Variants in GDAP1 observed in about 807,000 individuals in gnomAD.
GDAP1 encodes ganglioside induced differentiation associated protein 1.
GDAP1 carries 34 observed loss-of-function variants against 40.1 expected under a neutral mutation model. The observed-to-expected ratio is 0.85, with a 90% CI of 0.64 to 1.13. The LOEUF is 1.13. Ranked by LOEUF, GDAP1 falls within the 50% of genes most tolerant of loss-of-function variation. GDAP1 has a pLI of 0.00. For synonymous variants in GDAP1, 170 were observed against 157.4 expected (o/e 1.08, Z -0.60); for missense variants, 374 against 433.7 (o/e 0.86, Z 1.22).
intron 2 of GDAP1, among the ~76,000 whole-genome samples, chr8:74,424,918 AAAATCTTT>A (rs1376471890): frequency 6.6e-6 from 1 of 152,210 alleles, no homozygotes; most frequent in African/African-American, 2.4e-5. Flanking sequence ...ATTAGCACTT[AAAATCTTT>A]AAACTTCCCT....
At position 74,364,610 on chromosome 8, in the gene GDAP1, G is replaced by C. The variant is rs1349596666; in HGVS notation, c.*243G>C. ...AGAGATAAGAGAAGGAAAAATGAGAGAATGAAGTCTGTATAGGGTAGAGCA... is the reference window on the plus strand; with the variant it reads ...AGAGATAAGAGAAGGAAAAATGAGACAATGAAGTCTGTATAGGGTAGAGCA... On this transcript the variant is annotated 3_prime_UTR_variant, in exon 6 of 6. Coordinates refer to ENST00000220822, the MANE Select transcript of GDAP1 (RefSeq NM_018972.4). 3.1e-6 allele frequency: 2 copies of C among 637,420 alleles called. No individual in the cohort carries two copies. The highest frequency in any genetic ancestry group is 5.8e-6 in the Non-Finnish European group (2 of 345,810). 39.5% of individuals were successfully genotyped at this position (637,420 alleles called of 1,614,324 possible).
At chr8:74,390,398 T>C (rs547133756) in intron 2 of GDAP1, among the ~76,000 whole-genome samples, 4 of 152,320 alleles carry the variant, frequency 2.6e-5, no homozygotes, top group African/African-American at 9.6e-5. Context: ...ATGTTGATGC[T>C]ATTCCTTTCT....
chr8:74,482,313 A>G (rs1293129421), intron 2 of GDAP1, among the ~76,000 whole-genome samples: 3 of 152,180 alleles, frequency 2.0e-5, no homozygotes, highest in Non-Finnish European at 4.4e-5. Flanking sequence ...ATATATCAGC[A>G]AATTATCCCT....
At chr8:74,361,608 G>A (rs1809367726) in intron 3 of GDAP1, among the ~76,000 whole-genome samples, 2 of 152,070 alleles carry the variant, frequency 1.3e-5, no homozygotes, top group African/African-American at 4.8e-5. Flanking sequence ...CGTTGGCCAA[G>A]ATGGTCTCGA....
intron 2 of GDAP1, among the ~76,000 whole-genome samples, chr8:74,477,788 G>A (rs560732912): frequency 2.6e-5 from 4 of 152,088 alleles, no homozygotes; most frequent in Non-Finnish European, 5.9e-5. Flanking sequence ...CAGTGGCAAG[G>A]GCAGTGCAGT....
intron 2 of GDAP1, among the ~76,000 whole-genome samples, chr8:74,401,529 G>A (rs547412653): frequency 2.7e-5 from 4 of 149,724 alleles, no homozygotes; most frequent in East Asian, 1.9e-4. Context: ...TAGTTTGATC[G>A]TCTGAAGCCT....
chr8:74,464,773 A>G (rs1183466295), intron 2 of GDAP1, among the ~76,000 whole-genome samples: 2 of 152,228 alleles, frequency 1.3e-5, no homozygotes, highest in African/African-American at 4.8e-5. Flanking sequence ...CAGTCATGCC[A>G]TATTTAGGGA....
At chr8:74,417,671 T>A (rs189836348) in intron 2 of GDAP1, among the ~76,000 whole-genome samples, 1 of 143,320 alleles carries the variant, frequency 7.0e-6, no homozygotes, top group African/African-American at 2.7e-5. Flanking sequence ...GCAGGAGAAT[T>A]GCTTCAACCC....
chr8:74,479,322 T>C, intron 2 of GDAP1, among the ~76,000 whole-genome samples: 1 of 152,310 alleles, frequency 6.6e-6, no homozygotes, highest in African/African-American at 2.4e-5. Flanking sequence ...CAATAAATAT[T>C]AATCAAGTCT....
At chr8:74,390,067 G>A (rs1810083872) in intron 2 of GDAP1, among the ~76,000 whole-genome samples, 1 of 152,140 alleles carries the variant, frequency 6.6e-6, no homozygotes, top group South Asian at 2.1e-4. Flanking sequence ...GGCTATTCTA[G>A]TTAGCAATTC....
chr8:74,407,110 A>G (rs894286437), intron 2 of GDAP1, among the ~76,000 whole-genome samples: 1 of 150,086 alleles, frequency 6.7e-6, no homozygotes, highest in African/African-American at 2.5e-5. Context: ...AGGAAGTACA[A>G]AAGAAAACTA....
chr8:74,390,579 G>C (rs1487340924), intron 2 of GDAP1, among the ~76,000 whole-genome samples: 1 of 152,182 alleles, frequency 6.6e-6, no homozygotes, highest in African/African-American at 2.4e-5. Context: ...GCACCCGCCA[G>C]ATGCCAGCCA....
At chr8:74,430,830 C>T (rs1272971556) in intron 2 of GDAP1, among the ~76,000 whole-genome samples, 2 of 151,976 alleles carry the variant, frequency 1.3e-5, no homozygotes, top group Non-Finnish European at 2.9e-5. Flanking sequence ...TTAAAAATAT[C>T]TTAAATAAAT....
intron 2 of GDAP1, among the ~76,000 whole-genome samples, chr8:74,479,359 T>C (rs964132372): frequency 2.0e-5 from 3 of 152,154 alleles, no homozygotes; most frequent in African/African-American, 7.2e-5. Flanking sequence ...ATTTAGATAT[T>C]TTATGTCCTT....
intron 2 of GDAP1, among the ~76,000 whole-genome samples, chr8:74,358,447 C>G (rs746838272): frequency 1.3e-5 from 2 of 152,170 alleles, no homozygotes; most frequent in African/African-American, 4.8e-5. Flanking sequence ...TTTTTGGTCT[C>G]TATACCCCTT....
At chr8:74,398,252 T>C (rs1291394929) in intron 2 of GDAP1, among the ~76,000 whole-genome samples, 2 of 152,148 alleles carry the variant, frequency 1.3e-5, no homozygotes, top group Admixed American at 1.3e-4. Flanking sequence ...TCTTTGTTGG[T>C]TTAAAGTCTG....
intron 2 of GDAP1, among the ~76,000 whole-genome samples, chr8:74,445,823 A>T (rs1434022449): frequency 6.6e-6 from 1 of 152,210 alleles, no homozygotes; most frequent in Admixed American, 6.5e-5. Flanking sequence ...GTCACTGCAG[A>T]TTATAGTTTG....
chr8:74,392,842 A>G (rs1014512529), intron 2 of GDAP1, among the ~76,000 whole-genome samples: 2 of 152,224 alleles, frequency 1.3e-5, no homozygotes, highest in African/African-American at 2.4e-5. Flanking sequence ...GCCAAAGGAC[A>G]GAAGGAGCCG....
chr8:74,484,243 C>T (rs1249630708), intron 2 of GDAP1, among the ~76,000 whole-genome samples: 1 of 152,066 alleles, frequency 6.6e-6, no homozygotes, highest in East Asian at 1.9e-4. Context: ...TTAACAATTT[C>T]CTTCTATACG....
Sources: allele counts gnomAD v4.1 joint callset (sites outside exome capture counted in the v4.1 genomes callset), GRCh38; gene constraint gnomAD v4.1.1; transcripts MANE v1.5; gene names NCBI Gene and HGNC (gene_info 2026-07-23, HGNC 2026-07-21).